Variants in ANTXRL observed in about 807,000 individuals in gnomAD.
The protein encoded by ANTXRL is anthrax toxin receptor-like.
In ANTXRL, 63 loss-of-function variants were observed where a neutral mutation model predicts 75.4. That is an observed-to-expected ratio of 0.84 (90% CI 0.68 to 1.03). The LOEUF is 1.03. ANTXRL is among the 50% of genes least tolerant of loss of function. ANTXRL has a pLI of 0.00. For missense variants in ANTXRL, 797 were observed against 789.4 expected, an observed-to-expected ratio of 1.01 and a Z score of -0.12; for synonymous variants, 335 against 291.3, an observed-to-expected ratio of 1.15 and a Z score of -1.53.
intron 12 of ANTXRL, chr10:46,308,577 C>A: frequency 2.6e-6 from 1 of 391,344 alleles, no homozygotes; most frequent in South Asian, 1.9e-5. Context: ...GTTGCTTATA[C>A]CCCATGTGGC....
At chr10:46,293,537 GTGTGTGCATA>G (rs1837173483) in intron 2 of ANTXRL, among the ~76,000 whole-genome samples, 1 of 142,042 alleles carries the variant, frequency 7.0e-6, no homozygotes, top group African/African-American at 2.7e-5. Context: ...GTGTGTGCAT[GTGTGTGCATA>G]TGTGTGTGAG....
intron 16 of ANTXRL, among the ~76,000 whole-genome samples, chr10:46,328,895 C>T (rs1386388327): frequency 1.3e-5 from 2 of 152,066 alleles, no homozygotes; most frequent in African/African-American, 2.4e-5. Context: ...GTCCCTTTGA[C>T]CTTACTTATA....
intron 12 of ANTXRL, among the ~76,000 whole-genome samples, chr10:46,308,820 T>A (rs527463822): frequency 1.3e-5 from 2 of 152,198 alleles, no homozygotes; most frequent in Admixed American, 1.3e-4. Context: ...CGGTAGATTT[T>A]GTGGTCCTCA....
chr10:46,298,855 GT>G (rs1488957608), intron 9 of ANTXRL, among the ~76,000 whole-genome samples: 1 of 151,664 alleles, frequency 6.6e-6, no homozygotes, highest in Admixed American at 6.6e-5. Context: ...GGTTGAGTGT[GT>G]TTGTGGTCCA....
intron 9 of ANTXRL, among the ~76,000 whole-genome samples, chr10:46,301,112 C>T (rs1837711603): frequency 6.6e-6 from 1 of 152,206 alleles, no homozygotes; most frequent in African/African-American, 2.4e-5. Context: ...GGGCAGCACT[C>T]AGCCCTGCTT....
chr10:46,310,495 A>T lies in ANTXRL; in HGVS notation c.1169A>T (p.Glu390Val). 3 of 1,536,300 alleles carry T rather than the reference A, an allele frequency of 2.0e-6. No individual in the cohort carries two copies. Among genetic ancestry groups the T allele is most frequent in the Non-Finnish European group, 2.6e-6 (3 of 1,146,742 alleles). ...GAGCCACCACCTGTGCAGAAGCCAG[A>T]AAAGGTAAGTTGCAGTTCTGGTCCC... ...VKEPPPVQKP[E>V]KEPEQEKPPS... The change falls in exon 14 of 17, where the codon GAA becomes GTA. Residue 390 changes from glutamate (E) to valine (V), a missense_variant. Physicochemically the swap from Glu to Val is moderately radical, Grantham distance 121. This residue lies in a region of ANTXRL where 479 missense variants were observed against 422.0 expected (regional missense o/e 1.14). Transcript: ENST00000620264.
chr10:46,308,997 G>A (rs1213044768), intron 12 of ANTXRL, 116 bp from the exon 13 acceptor site: 10 of 1,428,874 alleles, frequency 7.0e-6, no homozygotes, highest in Non-Finnish European at 9.4e-6. Context: ...CCCCACTGTA[G>A]TACCCGGATG....
chr10:46,303,969 C>T (rs1554961198), intron 10 of ANTXRL, among the ~76,000 whole-genome samples: 1 of 152,144 alleles, frequency 6.6e-6, no homozygotes, highest in Non-Finnish European at 1.5e-5. Flanking sequence ...GATGACTTCT[C>T]TTCCCCCAAG....
At chr10:46,307,683 C>T (rs1838174966) in intron 12 of ANTXRL, among the ~76,000 whole-genome samples, 1 of 152,112 alleles carries the variant, frequency 6.6e-6, no homozygotes, top group Non-Finnish European at 1.5e-5. Context: ...CAGAGTCCAG[C>T]ACCTCTAGGC....
chr10:46,286,637 C>T (rs547513452), upstream of ANTXRL, among the ~76,000 whole-genome samples: 554 of 152,266 alleles, frequency 3.6e-3, 5 homozygotes, highest in Non-Finnish European at 4.3e-3. Flanking sequence ...ACCGGAATGT[C>T]CCTCATTCAC....
At chr10:46,326,800 C>T (rs1839235825) in intron 16 of ANTXRL, among the ~76,000 whole-genome samples, 1 of 152,028 alleles carries the variant, frequency 6.6e-6, no homozygotes, top group Non-Finnish European at 1.5e-5. Context: ...TTCTTGAGCC[C>T]CAAGGAAACG....
intron 3 of ANTXRL, 54 bp downstream of exon 3, chr10:46,293,954 G>A: frequency 6.7e-7 from 1 of 1,495,598 alleles, no homozygotes. Context: ...GCCAGAGGGA[G>A]CTCCAGGGAG....
chr10:46,302,949 G>A (rs573420171), intron 10 of ANTXRL, 129 bp downstream of exon 10: 139 of 726,936 alleles, frequency 1.9e-4, no homozygotes, highest in African/African-American at 4.6e-4. Flanking sequence ...GAGGCCATGA[G>A]GACAAGTGGA....
In ANTXRL at chr10:46,307,494, T is replaced by C; in HGVS notation, c.1044+14T>C. ...AGCACCACATGTGTGAGTACCAGCA[T>C]GGGGCTGCAAACATGTATGAGGACT... is the stretch of plus-strand genomic sequence containing the variant. On this transcript the variant is annotated intron_variant, in intron 12 of 16. Coordinates refer to ENST00000620264, the MANE Select transcript of ANTXRL (RefSeq NM_001278688.3). 1 of 1,533,472 alleles carries C rather than the reference T, an allele frequency of 6.5e-7. No homozygotes were observed. The allele number at this position is 1,533,472 out of a possible 1,614,324, so 95.0% of individuals were successfully genotyped here.
At chr10:46,288,766 C>A (rs2132631214) in intron 1 of ANTXRL, among the ~76,000 whole-genome samples, 1 of 152,256 alleles carries the variant, frequency 6.6e-6, no homozygotes, top group South Asian at 2.1e-4. Flanking sequence ...CCAGGCAAGG[C>A]AGAGCCACAG....
rs1263873123 is a variant in ANTXRL, at chr10:46,302,729, C to T, written c.804C>T (p.Tyr268=). ...TGAATGTTGTCCTTGCAGAACCCTA[C>T]CATGTGGTTATTCATGGAAATGGCT... is the stretch of plus-strand genomic sequence containing the variant. The part of the protein sequence containing the change: ...EPSSECVGEP[Y]HVVIHGNGFQ... The change falls in exon 10 of 17, where the codon TAC becomes TAT. Residue 268 remains tyrosine (Y), a synonymous_variant. Coordinates refer to ENST00000620264, the MANE Select transcript of ANTXRL (RefSeq NM_001278688.3). 1 of 1,535,470 alleles carries T rather than the reference C, an allele frequency of 6.5e-7. No homozygotes were observed. Among genetic ancestry groups the T allele is most frequent in the African/African-American group, 1.4e-5 (1 of 73,102 alleles).
chr10:46,293,743 G>T, intron 2 of ANTXRL, 86 bp from the exon 3 acceptor site: 1 of 1,104,578 alleles, frequency 9.1e-7, no homozygotes, highest in South Asian at 1.4e-5. Flanking sequence ...CGGAAGAGTT[G>T]GGGTGGGAGG....
intron 3 of ANTXRL, among the ~76,000 whole-genome samples, chr10:46,295,497 A>AGAG (rs144581574): frequency 0.021 from 1,307 of 61,992 alleles, 78 homozygotes; most frequent in Non-Finnish European, 0.029. Flanking sequence ...AGTTAGAGTT[A>AGAG]GAGTTAGAGT....
rs1436137254 is a variant in ANTXRL, at chr10:46,297,465, T to A, written c.645T>A (p.Asn215Lys). Residue 215 changes from asparagine to lysine, a missense_variant, in exon 7 of 17, where the codon AAT becomes AAA. Physicochemically the swap from Asn to Lys is moderately conservative, Grantham distance 94. This residue lies in a region of ANTXRL where 262 missense variants were observed against 271.9 expected (regional missense o/e 0.96). Coordinates refer to ENST00000620264, the MANE Select transcript of ANTXRL (RefSeq NM_001278688.3). ...NVYTLGVADYNLDQITAIADS... is the reference protein window; with the variant it reads ...NVYTLGVADYKLDQITAIADS... ...ACACCCTGGGTGTGGCTGATTATAA[T>A]CTGGATCAGGTAATTCCAAGCAGGT... The A allele has an allele frequency of 1.3e-6, 2 of 1,535,630 alleles. No homozygotes were observed. Among genetic ancestry groups the A allele is most frequent in the African/African-American group, 2.7e-5 (2 of 72,990 alleles).
Sources: gnomAD v4.1 joint callset for allele counts (sites outside exome capture counted in the v4.1 genomes callset) on GRCh38, gnomAD v4.1.1 for gene constraint, gnomAD v4.1.1 regional missense constraint, MANE v1.5 for transcripts, NCBI Gene and HGNC (gene_info 2026-07-23, HGNC 2026-07-21) for gene names.